The following KLHL5 variants were observed in gnomAD, a reference collection of about 807,000 sequenced individuals.
KLHL5 encodes the protein kelch-like protein 5.
In KLHL5, 48 loss-of-function variants were observed where a neutral mutation model predicts 77.7. That is an observed-to-expected ratio of 0.62 (90% CI 0.49 to 0.79). The LOEUF (loss-of-function observed/expected upper bound fraction) is 0.79. KLHL5 is among the 30% of genes least tolerant of loss of function. KLHL5 has a pLI of 0.00. For missense variants in KLHL5, 723 were observed against 859.7 expected, an observed-to-expected ratio of 0.84 and a Z score of 1.99; for synonymous variants, 260 against 297.0, an observed-to-expected ratio of 0.88 and a Z score of 1.28.
intron 2 of KLHL5, among the ~76,000 whole-genome samples, chr4:39,079,378 A>G (rs1719399098): frequency 6.6e-6 from 1 of 152,170 alleles, no homozygotes; most frequent in Non-Finnish European, 1.5e-5. Flanking sequence ...AGCCTGCCGT[A>G]TCTCTCTAGT....
chr4:39,135,749 C>T, the KLHL5 span: 1 of 152,068 alleles, frequency 6.6e-6, no homozygotes, highest in Non-Finnish European at 1.5e-5. Flanking sequence ...ACTAAAAATA[C>T]AAAAATTAGC....
In KLHL5 at chr4:39,113,078, G is replaced by C. The variant is rs750210398; in HGVS notation, c.1747G>C (p.Asp583His). 4 of 1,613,860 alleles carry C rather than the reference G, an allele frequency of 2.5e-6. No individual in the cohort carries two copies. In the African/African-American group the frequency reaches 4.0e-5, roughly 16 times the overall value. ...SSCLKSVECF[D>H]PHTNKWTLCA... is the part of the protein sequence containing the mutation. ...TTGTCTCAAATCAGTAGAATGTTTT[G>C]ATCCTCATACTAATAAGTGGACACT... Residue 583 changes from aspartate (D) to histidine (H), a missense_variant, in exon 9 of 11, where the codon GAT (aspartate) becomes CAT (histidine). This residue lies in a region of KLHL5 where 214 missense variants were observed against 237.4 expected (regional missense o/e 0.90). Coordinates refer to ENST00000504108, the MANE Select transcript of KLHL5 (RefSeq NM_015990.5).
intron 8 of KLHL5, among the ~76,000 whole-genome samples, chr4:39,109,518 C>T (rs924147855): frequency 6.6e-6 from 1 of 151,992 alleles, no homozygotes; most frequent in African/African-American, 2.4e-5. Flanking sequence ...AGGCTGGTCT[C>T]GAACTCCTGA....
Position 39,125,329 on chromosome 4 carries a change from TC to T in KLHL5, c.*4265del, listed in dbSNP as rs1308158885. ...AAGAATTACCATATGACCCAGCAAG[TC>T]CACTCCTGGGCATATACTGAAAAGA... On this transcript the variant is annotated 3_prime_UTR_variant, in exon 11 of 11. Coordinates refer to ENST00000504108, the MANE Select transcript of KLHL5 (RefSeq NM_015990.5). 1.3e-5 allele frequency among the ~76,000 whole-genome samples: 2 copies of T among 152,124 alleles called. No homozygotes were observed. The highest frequency in any genetic ancestry group is 4.8e-5 in the African/African-American group (2 of 41,414).
intron 6 of KLHL5, among the ~76,000 whole-genome samples, chr4:39,101,921 TACATATATACAC>T (rs1039248963): frequency 6.4e-5 from 9 of 141,518 alleles, no homozygotes; most frequent in South Asian, 2.2e-4. Context: ...CATATATATA[TACATATATACAC>T]ACATATATAC....
At chr4:39,074,078 C>T (rs78150225) in intron 1 of KLHL5, among the ~76,000 whole-genome samples, 2,351 of 152,146 alleles carry the variant, frequency 0.015, 58 homozygotes, top group African/African-American at 0.053. Flanking sequence ...ACATACTATT[C>T]AACCCATTTT....
intron 4 of KLHL5, among the ~76,000 whole-genome samples, chr4:39,084,776 A>G (rs964607): frequency 0.23 from 34,896 of 152,114 alleles, 4,193 homozygotes; most frequent in East Asian, 0.34. Context: ...TCTGTCAATT[A>G]TACTTTATAT....
At chr4:39,053,373 AT>A (rs935549127) in intron 1 of KLHL5, among the ~76,000 whole-genome samples, 1 of 152,230 alleles carries the variant, frequency 6.6e-6, no homozygotes, top group African/African-American at 2.4e-5. Flanking sequence ...TTCAGAAAAA[AT>A]TTTTTTTAAT....
chr4:39,045,163 C>T (rs1017789538), intron 1 of KLHL5: 1 of 984,044 alleles, frequency 1.0e-6, no homozygotes, highest in Non-Finnish European at 1.2e-6. Flanking sequence ...TTCCCGCCCC[C>T]ACGCGACTCT....
chr4:39,067,037 G>T (rs1489484380), intron 1 of KLHL5, among the ~76,000 whole-genome samples: 1 of 152,132 alleles, frequency 6.6e-6, no homozygotes, highest in Non-Finnish European at 1.5e-5. Flanking sequence ...TGGTGCATGG[G>T]TTATAGTAAT....
chr4:39,059,086 G>A (rs1717196425), upstream of KLHL5, among the ~76,000 whole-genome samples: 1 of 152,026 alleles, frequency 6.6e-6, no homozygotes, highest in Non-Finnish European at 1.5e-5. Context: ...ATTTTCCTGG[G>A]AAATACTTGG....
chr4:39,052,310 T>TG (rs1716713552), intron 1 of KLHL5, among the ~76,000 whole-genome samples: 1 of 151,878 alleles, frequency 6.6e-6, no homozygotes, highest in African/African-American at 2.4e-5. Context: ...TTACTAGAGA[T>TG]GGGGTTTCAC....
chr4:39,059,435 T>C (rs1228738923), upstream of KLHL5, among the ~76,000 whole-genome samples: 1 of 152,060 alleles, frequency 6.6e-6, no homozygotes, highest in Admixed American at 6.5e-5. Flanking sequence ...TACACACCTG[T>C]CAGAATGACC....
intron 10 of KLHL5, 61 bp downstream of exon 10, chr4:39,115,391 T>C (rs1722763015): frequency 6.3e-7 from 1 of 1,596,400 alleles, no homozygotes; most frequent in Admixed American, 1.7e-5. Context: ...ATTCTTATGG[T>C]AAAACAGATC....
At chr4:39,077,418 C>T (rs897757357) in intron 2 of KLHL5, among the ~76,000 whole-genome samples, 15 of 151,708 alleles carry the variant, frequency 9.9e-5, no homozygotes, top group Non-Finnish European at 5.9e-5. Context: ...GCCAAGATCG[C>T]GCCACTGCAC....
intron 5 of KLHL5, among the ~76,000 whole-genome samples, chr4:39,089,079 T>C (rs1235738263): frequency 6.6e-6 from 1 of 152,168 alleles, no homozygotes; most frequent in Non-Finnish European, 1.5e-5. Flanking sequence ...ATAACTGCAT[T>C]GTGGAGAATG....
At chr4:39,137,733 C>T in the KLHL5 span, among the ~76,000 whole-genome samples, 3 of 152,120 alleles carry the variant, frequency 2.0e-5, no homozygotes, top group Non-Finnish European at 4.4e-5. Context: ...AACCAAAAAA[C>T]GAGGTTGTGC....
intron 4 of KLHL5, among the ~76,000 whole-genome samples, chr4:39,083,963 C>A (rs1322781318): frequency 1.3e-5 from 2 of 152,070 alleles, no homozygotes; most frequent in Non-Finnish European, 2.9e-5. Context: ...AAATTGAATT[C>A]TAATAACAAT....
At position 39,062,617 on chromosome 4, in the gene KLHL5, GC is replaced by G; in HGVS notation, c.-33del. On this transcript the variant is annotated 5_prime_UTR_variant, in exon 1 of 11. The change creates a premature stop within an existing upstream ORF in the 5' untranslated region. Transcript: ENST00000504108. ...CACAAATCTGTGTGCAGTGCTTTTT[GC>G]CCGTTGCCTAGACGATCACTTGGTT... The G allele has an allele frequency of 6.2e-7, 1 of 1,614,050 alleles. No individual in the cohort carries two copies. The highest frequency in any genetic ancestry group is 8.5e-7 in the Non-Finnish European group (1 of 1,180,008).
Sources: allele counts gnomAD v4.1 joint callset (sites outside exome capture counted in the v4.1 genomes callset), GRCh38; gene constraint gnomAD v4.1.1; regional missense constraint gnomAD v4.1.1; transcripts MANE v1.5; gene names NCBI Gene and HGNC (gene_info 2026-07-23, HGNC 2026-07-21).